Variants in SOX5 observed in about 807,000 individuals in gnomAD.
SOX5 encodes SRY-box transcription factor 5.
SOX5 carries 9 observed loss-of-function variants against 92.0 expected under a neutral mutation model. The ratio of observed to expected loss-of-function variants is 0.10; its 90% CI spans 0.06 to 0.17. SOX5 has a LOEUF of 0.17. Ranked by LOEUF, SOX5 falls within the 10% of genes least tolerant of loss-of-function variation. SOX5 has a pLI of 1.00. For synonymous variants in SOX5, 344 were observed against 336.3 expected (o/e 1.02, Z -0.25); for missense variants, 642 against 944.5 (o/e 0.68, Z 4.20).
In SOX5 at chr12:23,757,117, T is replaced by C. The variant is rs1048533922; in HGVS notation, c.482-1393A>G. On this transcript the variant is annotated intron_variant, in intron 3 of 14. Coordinates refer to ENST00000451604, the MANE Select transcript of SOX5 (RefSeq NM_006940.6). The stretch of plus-strand genomic sequence containing the variant: ...AGCTCTGAATGATTACTCTTTTACA[T>C]AGTCTATATGTATACATATATACAT... Among the ~76,000 whole-genome samples the C allele has an allele frequency of 1.1e-4, 16 of 151,942 alleles. No homozygotes were observed. The South Asian group carries it at 2.9e-3, about 28-fold the overall frequency.
chr12:23,924,911 T>C (rs1939508967), intron 1 of SOX5, among the ~76,000 whole-genome samples: 1 of 152,060 alleles, frequency 6.6e-6, no homozygotes, highest in Non-Finnish European at 1.5e-5. Context: ...AATAAGTTAA[T>C]AGAAAACCCA....
intron 3 of SOX5, among the ~76,000 whole-genome samples, chr12:23,772,184 T>A (rs2094955448): frequency 1.3e-5 from 2 of 152,216 alleles, no homozygotes; most frequent in East Asian, 3.8e-4. Flanking sequence ...ATAAGAGAAA[T>A]GGTAGAAATA....
rs553732607 is a variant in SOX5, at chr12:24,350,608, T to G, written c.-174+17955A>C. 3.3e-5 allele frequency among the ~76,000 whole-genome samples: 5 copies of G among 152,306 alleles called. 1 individual carries two copies. Among genetic ancestry groups the G allele is most frequent in the African/African-American group, 1.2e-4 (5 of 41,572 alleles). ...AGCCTCCTGCTTTGGCCTCCCTTAG[T>G]GCTGAGACTACAGGCATGAGCCACT... On this transcript the variant is annotated intron_variant, in intron 2 of 4. Coordinates refer to the SOX5 transcript ENST00000446891.
At chr12:24,023,683 A>T (rs1592430298) in intron 4 of SOX5, among the ~76,000 whole-genome samples, 1 of 152,218 alleles carries the variant, frequency 6.6e-6, no homozygotes, top group East Asian at 1.9e-4. Context: ...TGGAGGAATG[A>T]TAAAAGTGAT....
intron 4 of SOX5, among the ~76,000 whole-genome samples, chr12:24,045,142 T>C (rs1310494856): frequency 6.6e-6 from 1 of 152,152 alleles, no homozygotes; most frequent in Non-Finnish European, 1.5e-5. Flanking sequence ...GATAGTGGAC[T>C]CTGGACTCCA....
intron 4 of SOX5, among the ~76,000 whole-genome samples, chr12:24,130,677 G>A (rs1167978535): frequency 6.6e-6 from 1 of 152,158 alleles, no homozygotes; most frequent in African/African-American, 2.4e-5. Context: ...GAACAGAGAG[G>A]AGGCAGTGGC....
At chr12:23,652,521 T>TTTTTTTTTTG (rs999253101) in intron 7 of SOX5, among the ~76,000 whole-genome samples, 2 of 151,450 alleles carry the variant, frequency 1.3e-5, no homozygotes, top group African/African-American at 4.9e-5. Context: ...TCTACTGTTT[T>TTTTTTTTTTG]TTTTTTTTTT....
At chr12:23,943,447 T>C (rs534118509) in intron 1 of SOX5, among the ~76,000 whole-genome samples, 47 of 152,206 alleles carry the variant, frequency 3.1e-4, no homozygotes, top group African/African-American at 1.0e-3. Context: ...CACGACGGCA[T>C]AGTAGGTTTA....
rs187000434 is a variant in SOX5 at position 23,565,264 on chromosome 12, A to T, written c.1343-1861T>A. On this transcript the variant is annotated intron_variant, in intron 10 of 14. Coordinates refer to ENST00000451604, the MANE Select transcript of SOX5 (RefSeq NM_006940.6). ...TTGGATCTCCTGTACATCATTCTTA[A>T]TGTATAATTCTTGAACTTGTTCATG... 2.2e-4 allele frequency among the ~76,000 whole-genome samples: 34 copies of T among 152,314 alleles called. 1 individual carries two copies. The East Asian group carries it at 3.7e-3, about 16-fold the overall frequency.
intron 1 of SOX5, among the ~76,000 whole-genome samples, chr12:24,395,043 G>C (rs1043423111): frequency 2.0e-5 from 3 of 152,094 alleles, no homozygotes; most frequent in African/African-American, 7.2e-5. Flanking sequence ...ACTATAGCCA[G>C]CCCGATATTA....
At chr12:24,321,954 A>G (rs12305442) in intron 2 of SOX5, among the ~76,000 whole-genome samples, 31,019 of 152,048 alleles carry the variant, frequency 0.2, 3,469 homozygotes, top group East Asian at 0.52. Context: ...CTTTTTTGAA[A>G]GACTACAGGA....
intron 2 of SOX5, among the ~76,000 whole-genome samples, chr12:23,869,256 C>G (rs4963723): frequency 0.39 from 58,820 of 152,026 alleles, 12,320 homozygotes; most frequent in Non-Finnish European, 0.49. Context: ...CACACACATA[C>G]CCAGAAGTTC....
At chr12:23,917,713 C>A (rs1290867455) in intron 1 of SOX5, among the ~76,000 whole-genome samples, 1 of 152,110 alleles carries the variant, frequency 6.6e-6, no homozygotes, top group Non-Finnish European at 1.5e-5. Context: ...TTCATGGATA[C>A]CTCCAAAAGG....
chr12:24,276,868 A>C (rs1249006662), intron 3 of SOX5, among the ~76,000 whole-genome samples: 1 of 152,178 alleles, frequency 6.6e-6, no homozygotes, highest in East Asian at 1.9e-4. Context: ...ATTTTGAAGC[A>C]ACAACAAAAA....
chr12:24,480,268 T>A (rs921478765), intron 1 of SOX5, among the ~76,000 whole-genome samples: 1 of 152,140 alleles, frequency 6.6e-6, no homozygotes, highest in Non-Finnish European at 1.5e-5. Context: ...TCAAAATGAA[T>A]TGAAGGCTTA....
intron 9 of SOX5, among the ~76,000 whole-genome samples, chr12:23,599,369 A>G (rs1370950314): frequency 1.3e-5 from 2 of 152,232 alleles, no homozygotes; most frequent in Non-Finnish European, 2.9e-5. Flanking sequence ...GCTACTGCTG[A>G]GCAAATGGGA....
At chr12:24,273,593 A>G (rs1193621721) in intron 3 of SOX5, among the ~76,000 whole-genome samples, 5 of 152,314 alleles carry the variant, frequency 3.3e-5, no homozygotes, top group Admixed American at 1.3e-4. Flanking sequence ...GCTCAGTCTC[A>G]TCAGAGGTTT....
intron 1 of SOX5, among the ~76,000 whole-genome samples, chr12:24,369,014 C>T (rs150992441): frequency 2.3e-3 from 347 of 152,284 alleles, no homozygotes; most frequent in African/African-American, 8.0e-3. Context: ...CTTAATCTTG[C>T]TAAATCCAGC....
At chr12:24,507,875 T>G (rs35302043) in intron 1 of SOX5, among the ~76,000 whole-genome samples, 12,192 of 152,274 alleles carry the variant, frequency 0.08, 552 homozygotes, top group South Asian at 0.13. Context: ...CATCTCCTTC[T>G]GTAAATATTT....
Sources: allele counts gnomAD v4.1 joint callset (sites outside exome capture counted in the v4.1 genomes callset), GRCh38; gene constraint gnomAD v4.1.1; transcripts MANE v1.5; gene names NCBI Gene and HGNC (gene_info 2026-07-23, HGNC 2026-07-21).